The following PTK2 variants were observed in gnomAD, a reference collection of about 807,000 sequenced individuals.
PTK2 encodes the protein focal adhesion kinase 1.
A neutral mutation model predicts 150.1 loss-of-function variants in PTK2; 45 were observed. The observed-to-expected ratio is 0.30, with a 90% CI of 0.24 to 0.38. The LOEUF is 0.38. PTK2 is among the 10% of genes least tolerant of loss of function. PTK2 has a pLI of 1.00. For missense variants in PTK2, 919 were observed against 1,307.3 expected (o/e 0.70, Z 4.58); for synonymous variants, 432 against 449.2 (o/e 0.96, Z 0.48).
chr8:140,782,465 TG>T (rs933165275), intron 14 of PTK2, among the ~76,000 whole-genome samples: 2 of 152,174 alleles, frequency 1.3e-5, no homozygotes, highest in African/African-American at 4.8e-5. Context: ...CTCAAACTCT[TG>T]GGCTCAAGTA....
chr8:140,830,919 CT>C (rs2100114984), intron 7 of PTK2, among the ~76,000 whole-genome samples: 1 of 152,002 alleles, frequency 6.6e-6, no homozygotes, highest in Non-Finnish European at 1.5e-5. Context: ...GAGAAAATAG[CT>C]AGCCTGATTA....
chr8:140,699,741 C>T (rs955502318), intron 26 of PTK2, among the ~76,000 whole-genome samples: 2 of 151,932 alleles, frequency 1.3e-5, no homozygotes, highest in Non-Finnish European at 2.9e-5. Flanking sequence ...CATAATGACA[C>T]TACTAAAATT....
At chr8:140,992,769 G>A (rs1452532166) in intron 1 of PTK2, among the ~76,000 whole-genome samples, 3 of 152,182 alleles carry the variant, frequency 2.0e-5, no homozygotes, top group Non-Finnish European at 4.4e-5. Context: ...TCCATTACCT[G>A]AGTGAATGTA....
At chr8:140,705,878 T>C (rs2100033436) in intron 24 of PTK2, among the ~76,000 whole-genome samples, 1 of 152,230 alleles carries the variant, frequency 6.6e-6, no homozygotes, top group Admixed American at 6.5e-5. Context: ...GATGAAAACG[T>C]GCCTAAGAAT....
In PTK2 at chr8:140,989,386, C is replaced by G. The variant is rs550107421; in HGVS notation, c.-122+11739G>C. On this transcript the variant is annotated intron_variant, in intron 1 of 31. Coordinates refer to ENST00000522684, the Ensembl canonical transcript of PTK2. ...TCCAGCCTGGGAAACAAAGCAAGAC[C>G]CTATCTCAAAAAAACAAACAAACAA... Among the ~76,000 whole-genome samples the G allele has an allele frequency of 7.9e-5, 12 of 151,222 alleles. No homozygotes were observed. The East Asian group carries it at 2.1e-3, about 27-fold the overall frequency.
chr8:140,784,929 T>C (rs2100084045), intron 14 of PTK2, among the ~76,000 whole-genome samples: 1 of 152,242 alleles, frequency 6.6e-6, no homozygotes, highest in Non-Finnish European at 1.5e-5. Flanking sequence ...ACTACCTTTA[T>C]TTTGCAACAA....
rs115173872 is a variant in PTK2, at chr8:140,771,036, G to A, written c.1178-6746C>T. On this transcript the variant is annotated intron_variant, in intron 14 of 31. Transcript: ENST00000522684. ...TTAGCACTTGATACAGAAACAAGAC[G>A]TAAGAATCTCCCAGCTCTGTAGAGC... 630 of 181,004 alleles carry A rather than the reference G, an allele frequency of 3.5e-3. 6 individuals carry two copies. Among genetic ancestry groups the A allele is most frequent in the African/African-American group, 0.014 (604 of 41,976 alleles). The allele number at this position is 181,004 out of a possible 1,614,324, so 11.2% of individuals were successfully genotyped here.
intron 1 of PTK2, among the ~76,000 whole-genome samples, chr8:140,988,728 C>CAAA (rs71310814): frequency 1.3e-4 from 9 of 69,960 alleles, no homozygotes; most frequent in African/African-American, 2.2e-4. Flanking sequence ...GACTCCATCC[C>CAAA]AAAAAAAAAA....
intron 23 of PTK2, among the ~76,000 whole-genome samples, chr8:140,713,892 GATTT>G (rs1446038608): frequency 6.6e-6 from 1 of 151,900 alleles, no homozygotes; most frequent in African/African-American, 2.4e-5. Context: ...TTTCATTATT[GATTT>G]ATTTTTTTGA....
intron 27 of PTK2, among the ~76,000 whole-genome samples, chr8:140,677,296 AGCACTG>A (rs1432596395): frequency 6.6e-6 from 1 of 152,026 alleles, no homozygotes. Context: ...TCACCCCCAA[AGCACTG>A]TGTGTGTCAG....
At chr8:140,980,488 G>C (rs932687939) in intron 1 of PTK2, among the ~76,000 whole-genome samples, 7 of 152,006 alleles carry the variant, frequency 4.6e-5, no homozygotes, top group African/African-American at 1.7e-4. Context: ...CGGGCATGGT[G>C]GTGGGCGCCT....
At chr8:140,674,213 T>C in intron 29 of PTK2, 85 bp downstream of exon 32, 4 of 1,330,244 alleles carry the variant, frequency 3.0e-6, no homozygotes, top group Non-Finnish European at 4.3e-6. Flanking sequence ...CCAACTCCAC[T>C]CTATGACATG....
intron 2 of PTK2, among the ~76,000 whole-genome samples, chr8:140,920,073 A>T (rs1212107569): frequency 6.6e-6 from 1 of 152,150 alleles, no homozygotes; most frequent in Non-Finnish European, 1.5e-5. Context: ...CTAAGGGAGT[A>T]ACATGACATT....
intron 8 of PTK2, among the ~76,000 whole-genome samples, chr8:140,824,623 T>C (rs1272182577): frequency 6.6e-6 from 1 of 152,228 alleles, no homozygotes; most frequent in Admixed American, 6.5e-5. Context: ...AAATCTCTGC[T>C]GTCTGAAACT....
chr8:140,952,431 G>T (rs2100179829), intron 1 of PTK2, among the ~76,000 whole-genome samples: 1 of 152,156 alleles, frequency 6.6e-6, no homozygotes, highest in South Asian at 2.1e-4. Flanking sequence ...AGGACAGGGG[G>T]ACACAGGACC....
chr8:140,839,525 C>T (rs1019279679), intron 7 of PTK2, among the ~76,000 whole-genome samples: 1 of 151,628 alleles, frequency 6.6e-6, no homozygotes, highest in Non-Finnish European at 1.5e-5. Context: ...CCAGAGGTTA[C>T]CAAGCATGAA....
At chr8:140,931,522 T>C (rs1049714067) in intron 1 of PTK2, among the ~76,000 whole-genome samples, 1 of 151,924 alleles carries the variant, frequency 6.6e-6, no homozygotes, top group African/African-American at 2.4e-5. Context: ...GCCATGATTG[T>C]GCCAATGCAC....
At chr8:140,979,328 T>C (rs1185535491) in intron 1 of PTK2, among the ~76,000 whole-genome samples, 3 of 132,760 alleles carry the variant, frequency 2.3e-5, no homozygotes, top group Non-Finnish European at 4.8e-5. Context: ...AACCACAAAC[T>C]GGAAGAAAAT....
chr8:140,947,084 C>A (rs1013565262), intron 1 of PTK2, among the ~76,000 whole-genome samples: 2 of 152,164 alleles, frequency 1.3e-5, no homozygotes, highest in African/African-American at 4.8e-5. Context: ...AAAATTCGTA[C>A]ATTCTAATTT....
Sources: allele counts gnomAD v4.1 joint callset (sites outside exome capture counted in the v4.1 genomes callset), GRCh38; gene constraint gnomAD v4.1.1; transcripts MANE v1.5; gene names NCBI Gene and HGNC (gene_info 2026-07-23, HGNC 2026-07-21).